The following TAS2R1 variants were observed in gnomAD, a reference collection of about 807,000 sequenced individuals.
The protein encoded by TAS2R1 is taste receptor type 2 member 1.
For missense variants in TAS2R1, 370 were observed against 353.4 expected (o/e 1.05, Z -0.38); for synonymous variants, 141 against 134.2 (o/e 1.05, Z -0.35).
chr5:9,849,388 C>T, the TAS2R1 span, among the ~76,000 whole-genome samples: 1 of 152,220 alleles, frequency 6.6e-6, no homozygotes, highest in Non-Finnish European at 1.5e-5. Flanking sequence ...ATTGGAAATA[C>T]ATGAACTCAC....
chr5:9,689,551 T>A (rs1029745730), intron 1 of TAS2R1, among the ~76,000 whole-genome samples: 5 of 152,142 alleles, frequency 3.3e-5, no homozygotes, highest in African/African-American at 1.2e-4. Flanking sequence ...TTTTTAACAG[T>A]TGGAAAATTC....
chr5:9,642,151 T>G (rs1740097393), intron 2 of TAS2R1, among the ~76,000 whole-genome samples: 1 of 152,138 alleles, frequency 6.6e-6, no homozygotes. Context: ...TAGATTGACG[T>G]TGGAAAGCTT....
the TAS2R1 span, among the ~76,000 whole-genome samples, chr5:9,720,493 T>G: frequency 6.6e-6 from 1 of 152,202 alleles, no homozygotes. Context: ...TCAACCCACA[T>G]TCCTTAGGCC....
the TAS2R1 span, among the ~76,000 whole-genome samples, chr5:9,769,664 C>T: frequency 6.6e-6 from 1 of 152,062 alleles, no homozygotes; most frequent in Non-Finnish European, 1.5e-5. Context: ...TGATGGTCAG[C>T]GATGTTGACC....
At chr5:9,857,567 G>A in the TAS2R1 span, among the ~76,000 whole-genome samples, 3 of 152,198 alleles carry the variant, frequency 2.0e-5, no homozygotes, top group South Asian at 4.2e-4. Context: ...ACATATACCC[G>A]AGCTTAAAAG....
At chr5:9,643,252 T>C (rs1175741829) in intron 2 of TAS2R1, among the ~76,000 whole-genome samples, 1 of 152,182 alleles carries the variant, frequency 6.6e-6, no homozygotes, top group Non-Finnish European at 1.5e-5. Flanking sequence ...TGGTATAGCC[T>C]ACTACACACT....
the TAS2R1 span, among the ~76,000 whole-genome samples, chr5:9,771,615 T>C: frequency 6.6e-6 from 1 of 152,106 alleles, no homozygotes; most frequent in Non-Finnish European, 1.5e-5. Context: ...TGTTTGTTAA[T>C]ATTCTGCAGT....
the TAS2R1 span, among the ~76,000 whole-genome samples, chr5:9,722,737 C>T: frequency 1.3e-5 from 2 of 152,174 alleles, no homozygotes; most frequent in Admixed American, 6.5e-5. Context: ...AGAAAAATAC[C>T]TCCTGGTATT....
chr5:9,873,905 G>A, the TAS2R1 span, among the ~76,000 whole-genome samples: 6 of 147,290 alleles, frequency 4.1e-5, no homozygotes, highest in Admixed American at 1.4e-4. Context: ...GGAAGAGGAC[G>A]GGGAAAAAAA....
At chr5:9,696,222 C>T (rs1741352482) in intron 1 of TAS2R1, among the ~76,000 whole-genome samples, 1 of 152,068 alleles carries the variant, frequency 6.6e-6, no homozygotes, top group Admixed American at 6.6e-5. Context: ...GACATGACCA[C>T]TGGCTCAAAA....
chr5:9,799,126 G>A, the TAS2R1 span, among the ~76,000 whole-genome samples: 7,786 of 152,182 alleles, frequency 0.051, 239 homozygotes, highest in East Asian at 0.11. Context: ...TCTCTAAAGC[G>A]CCACTTGTCA....
intron 1 of TAS2R1, among the ~76,000 whole-genome samples, chr5:9,686,635 G>A (rs1226954198): frequency 2.0e-5 from 3 of 152,050 alleles, no homozygotes; most frequent in African/African-American, 7.2e-5. Flanking sequence ...GCAGAAAGAA[G>A]GAAACAGAAA....
At chr5:9,648,322 C>T (rs1197533193) in intron 2 of TAS2R1, among the ~76,000 whole-genome samples, 1 of 151,960 alleles carries the variant, frequency 6.6e-6, no homozygotes, top group Non-Finnish European at 1.5e-5. Flanking sequence ...AAATAAATAA[C>T]TTAAAACTAA....
At chr5:9,674,088 G>A (rs1049287011) in intron 1 of TAS2R1, among the ~76,000 whole-genome samples, 1 of 152,152 alleles carries the variant, frequency 6.6e-6, no homozygotes, top group African/African-American at 2.4e-5. Context: ...GCATTTGGAT[G>A]CCTATCTTCT....
At chr5:9,843,156 A>G in the TAS2R1 span, among the ~76,000 whole-genome samples, 6 of 152,252 alleles carry the variant, frequency 3.9e-5, no homozygotes, top group Admixed American at 3.9e-4. Flanking sequence ...TAGCTCACAG[A>G]ATGTTGGCTC....
the TAS2R1 span, among the ~76,000 whole-genome samples, chr5:9,728,141 T>A: frequency 6.6e-6 from 1 of 152,036 alleles, no homozygotes; most frequent in Non-Finnish European, 1.5e-5. Flanking sequence ...AAACCCAAAT[T>A]GTTAGACTAC....
chr5:9,691,319 C>T (rs1741246393), intron 1 of TAS2R1, among the ~76,000 whole-genome samples: 1 of 152,208 alleles, frequency 6.6e-6, no homozygotes, highest in Non-Finnish European at 1.5e-5. Context: ...AGGCAAGGAT[C>T]CCCCATAGAA....
chr5:9,754,762 G>T, the TAS2R1 span, among the ~76,000 whole-genome samples: 7 of 152,144 alleles, frequency 4.6e-5, no homozygotes, highest in East Asian at 1.3e-3. Flanking sequence ...ACAAATGGAA[G>T]AACATTCCAC....
chr5:9,720,970 T>C, the TAS2R1 span, among the ~76,000 whole-genome samples: 13 of 152,208 alleles, frequency 8.5e-5, no homozygotes, highest in Admixed American at 1.3e-4. Flanking sequence ...TAGAACATGA[T>C]GTGCTGTTCC....
Sources: allele counts gnomAD v4.1 joint callset (sites outside exome capture counted in the v4.1 genomes callset), GRCh38; gene constraint gnomAD v4.1.1; transcripts MANE v1.5; gene names NCBI Gene and HGNC (gene_info 2026-07-23, HGNC 2026-07-21).